Variants in CDH23 observed in about 807,000 individuals in gnomAD.
CDH23 encodes the protein cadherin-23.
Under a neutral mutation model 317.1 loss-of-function variants are expected in CDH23, and 189 were observed. The ratio of observed to expected loss-of-function variants is 0.60; its 90% CI spans 0.53 to 0.67. CDH23 has a LOEUF of 0.67. Ranked by LOEUF, CDH23 falls within the 30% of genes least tolerant of loss-of-function variation. The pLI is 0.00. For synonymous variants in CDH23, 1,839 were observed against 1,876.8 expected, an observed-to-expected ratio of 0.98 and a Z score of 0.52; for missense variants, 4,401 against 4,592.4, an observed-to-expected ratio of 0.96 and a Z score of 1.20.
At chr10:71,609,941 A>G (rs1440820856) in intron 9 of CDH23, among the ~76,000 whole-genome samples, 1 of 146,692 alleles carries the variant, frequency 6.8e-6, no homozygotes, top group African/African-American at 2.5e-5. Flanking sequence ...AGAATGTGTA[A>G]GGACTCCCCC....
intron 3 of CDH23, among the ~76,000 whole-genome samples, chr10:71,468,920 C>T (rs1468042553): frequency 6.6e-6 from 1 of 152,148 alleles, no homozygotes; most frequent in African/African-American, 2.4e-5. Context: ...ATGTGACTGC[C>T]CTCAGGCTGG....
At chr10:71,532,554 A>T (rs998225012) in intron 6 of CDH23, among the ~76,000 whole-genome samples, 2 of 152,080 alleles carry the variant, frequency 1.3e-5, no homozygotes, top group African/African-American at 2.4e-5. Context: ...GCCCTCCCAG[A>T]GGGGCCCTCT....
chr10:71,692,667 A>G (rs1461711374), intron 20 of CDH23, among the ~76,000 whole-genome samples: 2 of 152,194 alleles, frequency 1.3e-5, no homozygotes, highest in Non-Finnish European at 2.9e-5. Flanking sequence ...GCCCCTGCAC[A>G]GACCAGAGGG....
intron 14 of CDH23, among the ~76,000 whole-genome samples, chr10:71,648,569 A>G (rs1900514): frequency 0.92 from 140,384 of 152,276 alleles, 64,806 homozygotes; most frequent in East Asian, 1. Flanking sequence ...GAAAACCTAT[A>G]GAGCCGGGAG....
chr10:71,752,020 G>A (rs565800501), intron 38 of CDH23: 1 of 846,474 alleles, frequency 1.2e-6, no homozygotes, highest in African/African-American at 1.7e-5. Context: ...CAGGCCCACA[G>A]AGCAAAGGCC....
At chr10:71,497,236 C>T (rs376701029) in intron 3 of CDH23, among the ~76,000 whole-genome samples, 3 of 152,264 alleles carry the variant, frequency 2.0e-5, no homozygotes, top group East Asian at 1.9e-4. Context: ...TTCAATTTGC[C>T]GTCATTTTTC....
rs768710173 is a variant in CDH23, at chr10:71,510,252, A to G, written c.288+28A>G. ...ATGACTTGCCCATACCCCTGCCCCA[A>G]TTCTCTCCTGGGGACAGGAGGAGAC... On this transcript the variant is annotated intron_variant, in intron 4 of 69. Coordinates refer to ENST00000224721, the MANE Select transcript of CDH23 (RefSeq NM_022124.6). 8.0e-5 allele frequency: 129 copies of G among 1,608,536 alleles called. No homozygotes were observed. In the East Asian group the frequency reaches 2.6e-3, roughly 33 times the overall value.
chr10:71,685,921 A>AT (rs1247089885), intron 18 of CDH23, among the ~76,000 whole-genome samples: 2 of 152,184 alleles, frequency 1.3e-5, no homozygotes, highest in Non-Finnish European at 2.9e-5. Flanking sequence ...CCCAATTGGA[A>AT]TTTAAAAACC....
chr10:71,529,454 G>A (rs1855231797), intron 6 of CDH23, among the ~76,000 whole-genome samples: 1 of 152,222 alleles, frequency 6.6e-6, no homozygotes, highest in African/African-American at 2.4e-5. Flanking sequence ...GTATCCTGGA[G>A]CGGGGTGGCC....
intron 11 of CDH23, among the ~76,000 whole-genome samples, chr10:71,639,208 A>G (rs905485649): frequency 6.6e-6 from 1 of 152,116 alleles, no homozygotes; most frequent in Admixed American, 6.5e-5. Flanking sequence ...AATTTAATCC[A>G]CAGGCTCCTC....
At position 71,751,807 on chromosome 10, in the gene CDH23, C is replaced by T. The variant is rs961111498; in HGVS notation, c.4845+9886C>T. ...GGTGCCTGACTTTGGCCTCGGGTAT[C>T]CCCTGGGCAGGTGGTGAGGCTTCAA... On this transcript the variant is annotated intron_variant, in intron 38 of 69. Transcript: ENST00000224721. The surrounding 1 kb of genome is among the most constrained non-coding windows in gnomAD (Gnocchi z 4.9). 3 of 1,587,138 alleles carry T rather than the reference C, an allele frequency of 1.9e-6. No homozygotes were observed. The highest frequency in any genetic ancestry group is 2.7e-5 in the African/African-American group (2 of 73,652).
chr10:71,742,122 T>C (rs765929034), intron 38 of CDH23: 1 of 589,032 alleles, frequency 1.7e-6, no homozygotes, highest in Non-Finnish European at 3.0e-6. Context: ...GCTGGGGTGC[T>C]AGTTTGGCCT....
At chr10:71,810,771 C>T (rs1841892006) in intron 62 of CDH23, among the ~76,000 whole-genome samples, 1 of 152,152 alleles carries the variant, frequency 6.6e-6, no homozygotes, top group South Asian at 2.1e-4. Context: ...GAGCCTCCCT[C>T]TCCCCATCTG....
chr10:71,804,143 A>T (rs2132980398), intron 55 of CDH23, among the ~76,000 whole-genome samples: 1 of 152,208 alleles, frequency 6.6e-6, no homozygotes, highest in East Asian at 1.9e-4. Flanking sequence ...TTGCTCCTAG[A>T]TGTCTACCAA....
chr10:71,573,059 G>A (rs1857927694), intron 8 of CDH23, among the ~76,000 whole-genome samples: 1 of 152,216 alleles, frequency 6.6e-6, no homozygotes, highest in Non-Finnish European at 1.5e-5. Flanking sequence ...CTGGGAAAGG[G>A]GGATAATTGT....
rs1243928400 is a variant in CDH23, at chr10:71,566,755, G to A, written c.443G>A (p.Gly148Glu). Reference protein sequence around the residue: ...SVRIPENTPVGTPIFIVNATD... With the variant: ...SVRIPENTPVETPIFIVNATD... ...TCTCATCCCCAGAATACACCAGTGGGGACGCCCATCTTCATCGTGAATGCC... is the reference window on the plus strand; with the variant it reads ...TCTCATCCCCAGAATACACCAGTGGAGACGCCCATCTTCATCGTGAATGCC... Residue 148 changes from glycine (G) to glutamate (E), a missense_variant, in exon 7 of 70, where the codon GGG becomes GAG. Physicochemically the swap from Gly to Glu is moderately conservative, Grantham distance 98 (BLOSUM62 -2). Coordinates refer to ENST00000224721, the MANE Select transcript of CDH23 (RefSeq NM_022124.6). 6.9e-6 allele frequency: 11 copies of A among 1,605,200 alleles called. No homozygotes were observed. Among genetic ancestry groups the A allele is most frequent in the Non-Finnish European group, 8.5e-6 (10 of 1,173,916 alleles).
chr10:71,489,339 C>T (rs1256310823), intron 3 of CDH23, among the ~76,000 whole-genome samples: 1 of 152,172 alleles, frequency 6.6e-6, no homozygotes, highest in African/African-American at 2.4e-5. Context: ...AATTCTCTTT[C>T]CAGCTATGTC....
At chr10:71,779,496 C>T (rs749957387) in intron 41 of CDH23, 49 bp downstream of exon 41, 17 of 1,478,542 alleles carry the variant, frequency 1.1e-5, no homozygotes, top group African/African-American at 5.6e-5. Flanking sequence ...CCTGCACACC[C>T]GCTCAGGGGA....
At chr10:71,470,131 A>C (rs1020778298) in intron 3 of CDH23, among the ~76,000 whole-genome samples, 22 of 152,190 alleles carry the variant, frequency 1.4e-4, no homozygotes, top group African/African-American at 4.6e-4. Flanking sequence ...AGCTGCACCC[A>C]GCATAAGTTT....
Sources: gnomAD v4.1 joint callset for allele counts (sites outside exome capture counted in the v4.1 genomes callset) on GRCh38, gnomAD v4.1.1 for gene constraint, Gnocchi (gnomAD v3.1) non-coding constraint, MANE v1.5 for transcripts, NCBI Gene and HGNC (gene_info 2026-07-23, HGNC 2026-07-21) for gene names.